ZKSCAN8: variants seen among roughly 807,000 people sequenced by gnomAD.
ZKSCAN8 encodes zinc finger protein with KRAB and SCAN domains 8.
A neutral mutation model predicts 57.2 loss-of-function variants in ZKSCAN8; 27 were observed. That is an observed-to-expected ratio of 0.47 (90% CI 0.35 to 0.65). ZKSCAN8 has a LOEUF of 0.65. Among genes scored for constraint, ZKSCAN8 ranks in the 30% least tolerant of loss-of-function variants. ZKSCAN8 has a pLI of 0.01. For missense variants in ZKSCAN8, 597 were observed against 696.3 expected, an observed-to-expected ratio of 0.86 and a Z score of 1.60; for synonymous variants, 214 against 248.7, an observed-to-expected ratio of 0.86 and a Z score of 1.31.
At position 28,153,905 on chromosome 6, in the gene ZKSCAN8, G is replaced by A. The variant is rs1561823869; in HGVS notation, c.1625G>A (p.Gly542Glu). The change falls in exon 6 of 6, where the codon GGG becomes GAG. Residue 542 changes from glycine (G) to glutamate (E), a missense_variant. Transcript: ENST00000330236. ...GLIQHLRIHT[G>E]EKPYQCNECG... The stretch of plus-strand genomic sequence containing the variant: ...ATTCAACACCTGAGAATTCACACAG[G>A]GGAGAAGCCCTACCAATGTAATGAG... The A allele has an allele frequency of 6.2e-7, 1 of 1,614,184 alleles. No individual in the cohort carries two copies. Among genetic ancestry groups the A allele is most frequent in the Non-Finnish European group, 8.5e-7 (1 of 1,180,024 alleles).
chr6:28,153,462 T>G lies in ZKSCAN8; in HGVS notation c.1182T>G (p.Ile394Met). 6.2e-7 allele frequency: 1 copy of G among 1,614,160 alleles called. No homozygotes were observed. Among genetic ancestry groups the G allele is most frequent in the Non-Finnish European group, 8.5e-7 (1 of 1,180,014 alleles). ...GKAFSQNTGL[I>M]LHQRIHTGEK... ...CCTTCAGTCAGAACACAGGCCTGAT[T>G]CTGCACCAGAGAATCCACACTGGGG... Residue 394 changes from isoleucine (I) to methionine (M), a missense_variant, in exon 6 of 6, where the codon ATT becomes ATG. By Grantham distance (10) the Ile-to-Met change is conservative. Coordinates refer to ENST00000330236, the MANE Select transcript of ZKSCAN8 (RefSeq NM_006298.4).
rs1765338696 is a variant in ZKSCAN8 at position 28,144,897 on chromosome 6, A to G, written c.-93+2868A>G. ...ACAGTGAAACCCCATCTCTACTAAA[A>G]ATACAAAAAATTAGCCGGGTGTGGT... On this transcript the variant is annotated intron_variant, in intron 1 of 5. Transcript: ENST00000330236. This position sits in a 1 kb window ranked among gnomAD's most constrained non-coding sequence, Gnocchi z 4.5. 6.6e-6 allele frequency among the ~76,000 whole-genome samples: 1 copy of G among 152,034 alleles called. No homozygotes were observed. The highest frequency in any genetic ancestry group is 1.5e-5 in the Non-Finnish European group (1 of 68,004).
In ZKSCAN8 at chr6:28,148,379, A is replaced by G. The variant is rs1433292513; in HGVS notation, c.-29A>G. 1.9e-6 allele frequency: 3 copies of G among 1,587,932 alleles called. No individual in the cohort carries two copies. Among genetic ancestry groups the G allele is most frequent in the African/African-American group, 1.4e-5 (1 of 73,492 alleles). On this transcript the variant is annotated 5_prime_UTR_variant, in exon 2 of 6. Coordinates refer to ENST00000330236, the MANE Select transcript of ZKSCAN8 (RefSeq NM_006298.4). The stretch of plus-strand genomic sequence containing the variant: ...TTAAGAAGATAAAGAAGGTAGTGGA[A>G]ACGAACTTCCTGAGCTTTTCAGGCT...
intron 2 of ZKSCAN8, 52 bp downstream of exon 2, chr6:28,148,876 G>A (rs1765495648): frequency 6.4e-7 from 1 of 1,559,762 alleles, no homozygotes; most frequent in African/African-American, 1.4e-5. Context: ...TGGAAGCTTG[G>A]TAGAGGGACA....
chr6:28,151,817 C>A, intron 3 of ZKSCAN8, 28 bp from the exon 4 acceptor site: 1 of 1,586,642 alleles, frequency 6.3e-7, no homozygotes, highest in Non-Finnish European at 8.7e-7. Context: ...CAGGACTGGT[C>A]TCATTCATAG....
Position 28,159,058 on chromosome 6 carries a change from A to G in ZKSCAN8, c.*5041A>G, listed in dbSNP as rs1260090310. Reference sequence around the variant, plus strand: ...TACAGCCTTCTACTGATGTCTTACAAGCTCTTGCCTCTGTGCCTTTCTCAT... The same window carrying G: ...TACAGCCTTCTACTGATGTCTTACAGGCTCTTGCCTCTGTGCCTTTCTCAT... On this transcript the variant is annotated 3_prime_UTR_variant, in exon 6 of 6. Coordinates refer to ENST00000330236, the MANE Select transcript of ZKSCAN8 (RefSeq NM_006298.4). The G allele has an allele frequency of 6.6e-6, 1 of 152,302 alleles. No individual in the cohort carries two copies. The highest frequency in any genetic ancestry group is 1.9e-4 in the East Asian group (1 of 5,178). The allele number at this position is 152,302 out of a possible 1,614,324, so 9.4% of individuals were successfully genotyped here. A position where few individuals can be genotyped will look rare whatever the true frequency, so the allele number is the denominator to read the frequency against.
At chr6:28,149,774 A>G (rs772103376) in intron 3 of ZKSCAN8, 150 bp downstream of exon 3, 213 of 835,694 alleles carry the variant, frequency 2.5e-4, no homozygotes, top group Non-Finnish European at 3.3e-4. Flanking sequence ...GGCTTCAAAT[A>G]TAGATTATTC....
Position 28,157,344 on chromosome 6 carries a change from TC to T in ZKSCAN8, c.*3328del, listed in dbSNP as rs1561827290. On this transcript the variant is annotated 3_prime_UTR_variant, in exon 6 of 6. Transcript: ENST00000330236. ...ACGTGGGAATTGTGGGAGCTACAAT[TC>T]AAGATGAGATTTGGATGGGACACAG... 6.6e-6 allele frequency: 1 copy of T among 152,176 alleles called. No homozygotes were observed. Among genetic ancestry groups the T allele is most frequent in the Non-Finnish European group, 1.5e-5 (1 of 68,038 alleles). The allele number at this position is 152,176 out of a possible 1,614,324, so 9.4% of individuals were successfully genotyped here.
At chr6:28,150,136 C>T (rs1765545843) in intron 3 of ZKSCAN8, among the ~76,000 whole-genome samples, 1 of 152,102 alleles carries the variant, frequency 6.6e-6, no homozygotes, top group Admixed American at 6.5e-5. Flanking sequence ...TTGACAGTTG[C>T]CCCAATTATG....
In ZKSCAN8 at chr6:28,152,643, A is replaced by C. The variant is rs114626973; in HGVS notation, c.775+259A>C. Among the ~76,000 whole-genome samples, 3 of 152,178 alleles carry C rather than the reference A, an allele frequency of 2.0e-5. No homozygotes were observed. In the South Asian group the frequency reaches 6.2e-4, roughly 32 times the overall value. ...TCTCAGAGGTGCTCTCTGAGTTCATATATTTCTTCTCCAAGTTGTCATGGG... is the reference window on the plus strand; with the variant it reads ...TCTCAGAGGTGCTCTCTGAGTTCATCTATTTCTTCTCCAAGTTGTCATGGG... On this transcript the variant is annotated intron_variant, in intron 5 of 5. Coordinates refer to ENST00000330236, the MANE Select transcript of ZKSCAN8 (RefSeq NM_006298.4).
chr6:28,141,686 C>T (rs929760126), upstream of ZKSCAN8, among the ~76,000 whole-genome samples: 1 of 152,232 alleles, frequency 6.6e-6, no homozygotes, highest in Non-Finnish European at 1.5e-5. Flanking sequence ...TCCGTTATTC[C>T]CCAGCACGTT....
At position 28,151,853 on chromosome 6, in the gene ZKSCAN8, A is replaced by G. The variant is rs747386372; in HGVS notation, c.568A>G (p.Thr190Ala). Residue 190 changes from threonine (T) to alanine (A), a missense_variant, in exon 4 of 6, where the codon ACT (threonine) becomes GCT (alanine). Physicochemically the swap from Thr to Ala is moderately conservative, Grantham distance 58 (BLOSUM62 0). Transcript: ENST00000330236. ...PQESQERAMS[T>A]SQSPTRSQKG... ...CTCCTTTCTCCTCTCAGCCATGTCT[A>G]CTTCCCAGAGTCCTACTCGTTCCCA... 25 of 1,614,074 alleles carry G rather than the reference A, an allele frequency of 1.5e-5. No homozygotes were observed. Among genetic ancestry groups the G allele is most frequent in the Non-Finnish European group, 2.1e-5 (25 of 1,179,946 alleles).
chr6:28,143,521 C>A (rs534830287), intron 1 of ZKSCAN8, among the ~76,000 whole-genome samples: 2 of 152,208 alleles, frequency 1.3e-5, no homozygotes, highest in Admixed American at 1.3e-4. Context: ...AGTGGGATTG[C>A]ACCTGTGAAT....
intron 5 of ZKSCAN8, 111 bp from the exon 6 acceptor site, chr6:28,152,945 A>G: frequency 2.1e-6 from 3 of 1,460,714 alleles, no homozygotes; most frequent in Non-Finnish European, 2.8e-6. Context: ...GTGTTTACTT[A>G]TAGCTGTTCA....
In ZKSCAN8 at chr6:28,143,395, G is replaced by T. The variant is rs187599219; in HGVS notation, c.-93+1366G>T. ...AAAAAATGAACAAACCTGATAATTA[G>T]CTGGTTTTCATCAGTGTTGTTATTG... On this transcript the variant is annotated intron_variant, in intron 1 of 5. Coordinates refer to ENST00000330236, the MANE Select transcript of ZKSCAN8 (RefSeq NM_006298.4). Among the ~76,000 whole-genome samples, 173 of 152,310 alleles carry T rather than the reference G, an allele frequency of 1.1e-3. 1 individual carries two copies. The highest frequency in any genetic ancestry group is 1.1e-3 in the Non-Finnish European group (73 of 68,022).
intron 1 of ZKSCAN8, among the ~76,000 whole-genome samples, chr6:28,145,835 A>C (rs949981745): frequency 7.2e-5 from 11 of 152,196 alleles, no homozygotes; most frequent in African/African-American, 2.4e-4. Context: ...TATTGGTTTA[A>C]TGGCCTACCC....
intron 4 of ZKSCAN8, 135 bp downstream of exon 4, chr6:28,152,071 G>A (rs2113593095): frequency 7.3e-7 from 1 of 1,363,518 alleles, no homozygotes; most frequent in South Asian, 1.4e-5. Context: ...TTTGCCTAGG[G>A]ACAGATTGAT....
intron 1 of ZKSCAN8, among the ~76,000 whole-genome samples, chr6:28,146,496 TTG>T (rs1442304732): frequency 6.6e-6 from 1 of 152,202 alleles, no homozygotes; most frequent in Admixed American, 6.5e-5. Context: ...GAGAGACACA[TTG>T]TGTTCACGGA....
At chr6:28,147,222 T>C (rs2113580680) in intron 1 of ZKSCAN8, among the ~76,000 whole-genome samples, 1 of 146,068 alleles carries the variant, frequency 6.8e-6, no homozygotes, top group Admixed American at 6.8e-5. Flanking sequence ...GAACAAATAC[T>C]TCACTAAAGA....
Sources: allele counts gnomAD v4.1 joint callset (sites outside exome capture counted in the v4.1 genomes callset), GRCh38; gene constraint gnomAD v4.1.1; non-coding constraint Gnocchi (gnomAD v3.1); transcripts MANE v1.5; gene names NCBI Gene and HGNC (gene_info 2026-07-23, HGNC 2026-07-21).